TRIQK: variants seen among roughly 807,000 people sequenced by gnomAD.
TRIQK encodes the protein triple QxxK/R motif containing, also known as triple QxxK/R motif-containing protein.
In TRIQK, 10 loss-of-function variants were observed where a neutral mutation model predicts 10.8. The observed-to-expected ratio is 0.92, with a 90% CI of 0.57 to 1.57. The LOEUF is 1.57. TRIQK is among the 40% of genes most tolerant of loss of function. The pLI is 0.00. For missense variants in TRIQK, 107 were observed against 97.7 expected (o/e 1.09, Z -0.40); for synonymous variants, 33 against 33.7 (o/e 0.98, Z 0.07).
chr8:92,892,740 G>A (rs1039387191), intron 3 of TRIQK, among the ~76,000 whole-genome samples: 65 of 151,872 alleles, frequency 4.3e-4, no homozygotes, highest in African/African-American at 1.3e-3. Flanking sequence ...AAAAATGTGC[G>A]AAACTGAGTT....
At chr8:92,962,867 G>T (rs1812530417) in intron 1 of TRIQK, among the ~76,000 whole-genome samples, 1 of 152,188 alleles carries the variant, frequency 6.6e-6, no homozygotes, top group African/African-American at 2.4e-5. Context: ...CTGAACTAAA[G>T]TCTAGGTTCT....
At chr8:92,946,316 AT>A (rs1003793451) in intron 2 of TRIQK, among the ~76,000 whole-genome samples, 2 of 152,112 alleles carry the variant, frequency 1.3e-5, no homozygotes, top group African/African-American at 2.4e-5. Context: ...TTAATATAAT[AT>A]TTTTTTCCAA....
intron 2 of TRIQK, among the ~76,000 whole-genome samples, chr8:92,947,519 G>C (rs1448259914): frequency 6.7e-6 from 1 of 149,006 alleles, no homozygotes; most frequent in Non-Finnish European, 1.5e-5. Context: ...AGGAGGCGGA[G>C]GTTGCAGTGA....
chr8:92,933,715 T>A (rs1195328506), intron 2 of TRIQK, among the ~76,000 whole-genome samples: 1 of 152,162 alleles, frequency 6.6e-6, no homozygotes, highest in East Asian at 1.9e-4. Flanking sequence ...TATTTATACA[T>A]TTAAAAATAT....
chr8:92,900,950 T>C (rs1808902533), intron 3 of TRIQK, among the ~76,000 whole-genome samples: 1 of 152,146 alleles, frequency 6.6e-6, no homozygotes, highest in South Asian at 2.1e-4. Flanking sequence ...TAGAAATCTT[T>C]AACTTATTTG....
chr8:93,001,004 T>C (rs1813205394), intron 1 of TRIQK, among the ~76,000 whole-genome samples: 1 of 151,976 alleles, frequency 6.6e-6, no homozygotes, highest in African/African-American at 2.4e-5. Flanking sequence ...ATGAATTAAA[T>C]TCTTCAATTA....
chr8:92,970,834 C>G (rs1812867210), upstream of TRIQK, among the ~76,000 whole-genome samples: 1 of 152,034 alleles, frequency 6.6e-6, no homozygotes, highest in Admixed American at 6.6e-5. Flanking sequence ...GCTTTTGTTG[C>G]AATTGCTTTT....
chr8:92,953,645 TC>T (rs927768562), intron 2 of TRIQK: 9 of 152,028 alleles, frequency 5.9e-5, no homozygotes, highest in Admixed American at 4.6e-4. Context: ...CCTGGCACGT[TC>T]AGAGAACAAA....
intron 1 of TRIQK, among the ~76,000 whole-genome samples, chr8:93,012,574 T>G (rs1370142558): frequency 6.6e-6 from 1 of 152,196 alleles, no homozygotes; most frequent in Non-Finnish European, 1.5e-5. Flanking sequence ...TTCTGCTTTT[T>G]TTTCTTTAAT....
intron 3 of TRIQK, among the ~76,000 whole-genome samples, chr8:92,894,538 T>C (rs1808492327): frequency 6.6e-6 from 1 of 152,136 alleles, no homozygotes; most frequent in Non-Finnish European, 1.5e-5. Flanking sequence ...GTATCAGTGA[T>C]GCAATAACCA....
At chr8:92,965,278 G>A (rs1430467901) in intron 1 of TRIQK, 1 of 152,108 alleles carries the variant, frequency 6.6e-6, no homozygotes, top group African/African-American at 2.4e-5. Flanking sequence ...ACTCCAAGTA[G>A]AAGAAACCTA....
At chr8:92,986,448 A>C (rs1183410143) in intron 1 of TRIQK, among the ~76,000 whole-genome samples, 1 of 152,230 alleles carries the variant, frequency 6.6e-6, no homozygotes, top group Admixed American at 6.5e-5. Flanking sequence ...ATGTATTTAT[A>C]GGAATAAACA....
intron 2 of TRIQK, among the ~76,000 whole-genome samples, chr8:92,926,035 G>A (rs537561665): frequency 9.2e-5 from 14 of 151,906 alleles, no homozygotes; most frequent in East Asian, 1.9e-4. Context: ...AGCCAAGATC[G>A]CGCCACTGCA....
intron 3 of TRIQK, among the ~76,000 whole-genome samples, chr8:92,903,391 G>A (rs933498667): frequency 6.6e-6 from 1 of 151,804 alleles, no homozygotes; most frequent in East Asian, 1.9e-4. Flanking sequence ...AATTATACAC[G>A]TGAATATACT....
chr8:92,908,378 C>A (rs1309933989), intron 3 of TRIQK, among the ~76,000 whole-genome samples: 1 of 152,102 alleles, frequency 6.6e-6, no homozygotes, highest in Non-Finnish European at 1.5e-5. Flanking sequence ...ACTGCATAAG[C>A]TGCTTATGAG....
intron 3 of TRIQK, among the ~76,000 whole-genome samples, chr8:92,897,689 T>C (rs1020080899): frequency 6.6e-6 from 1 of 152,164 alleles, no homozygotes; most frequent in Non-Finnish European, 1.5e-5. Context: ...CAGCACCAAA[T>C]GGACTAAGAC....
intron 3 of TRIQK, among the ~76,000 whole-genome samples, chr8:92,912,853 A>C (rs1809639548): frequency 6.6e-6 from 1 of 152,056 alleles, no homozygotes; most frequent in African/African-American, 2.4e-5. Context: ...AATAAAGAAA[A>C]GCCCAGTACT....
chr8:93,001,536 C>A (rs1178039045), intron 1 of TRIQK, among the ~76,000 whole-genome samples: 1 of 151,920 alleles, frequency 6.6e-6, no homozygotes, highest in Non-Finnish European at 1.5e-5. Context: ...AAAAAGAAGA[C>A]AATGAAGGTC....
intron 1 of TRIQK, among the ~76,000 whole-genome samples, chr8:93,004,973 C>G (rs1156790734): frequency 6.6e-6 from 1 of 152,224 alleles, no homozygotes; most frequent in Non-Finnish European, 1.5e-5. Context: ...CCTCATCTTC[C>G]TGTCTTATTC....
Sources: gnomAD v4.1 joint callset for allele counts (sites outside exome capture counted in the v4.1 genomes callset) on GRCh38, gnomAD v4.1.1 for gene constraint, MANE v1.5 for transcripts, NCBI Gene and HGNC (gene_info 2026-07-23, HGNC 2026-07-21) for gene names.